Variants in RASEF observed in about 807,000 individuals in gnomAD.
The protein encoded by RASEF is ras and EF-hand domain-containing protein.
A neutral mutation model predicts 90.1 loss-of-function variants in RASEF; 68 were observed. The ratio of observed to expected loss-of-function variants is 0.75; its 90% CI spans 0.62 to 0.92. RASEF has a LOEUF of 0.92. RASEF is among the 40% of genes least tolerant of loss of function. The probability of loss-of-function intolerance (pLI) is 0.00; values close to 1 mark genes in which losing one functional copy is unlikely to be tolerated. For synonymous variants in RASEF, 331 were observed against 345.2 expected, an observed-to-expected ratio of 0.96 and a Z score of 0.46; for missense variants, 949 against 937.2, an observed-to-expected ratio of 1.01 and a Z score of -0.16.
At chr9:83,155,365 G>A in the RASEF span, among the ~76,000 whole-genome samples, 6 of 152,138 alleles carry the variant, frequency 3.9e-5, no homozygotes, top group African/African-American at 1.2e-4. Context: ...ACAGTTCCAT[G>A]AGGCCAGGGA....
chr9:83,104,858 G>A, the RASEF span, among the ~76,000 whole-genome samples: 1 of 152,196 alleles, frequency 6.6e-6, no homozygotes. Flanking sequence ...ATCCAAAAGT[G>A]TGAAATACGG....
rs1234302664 is a variant in RASEF at position 82,996,971 on chromosome 9, T to C, written c.1920+41A>G. On this transcript the variant is annotated intron_variant, in intron 14 of 16. Coordinates refer to ENST00000376447, the MANE Select transcript of RASEF (RefSeq NM_152573.4). The stretch of plus-strand genomic sequence containing the variant: ...AGCATTTTCCAAGATGGCCTAAAAC[T>C]TCCTCGTGTAATTTTCTGTTTCTCC... The C allele has an allele frequency of 5.0e-6, 6 of 1,193,476 alleles. No homozygotes were observed. In the South Asian group the frequency reaches 6.1e-5, roughly 12 times the overall value. 73.9% of individuals were successfully genotyped at this position (1,193,476 alleles called of 1,614,324 possible).
At chr9:82,998,532 G>A in intron 12 of RASEF, 86 bp from the exon 13 acceptor site, 1 of 847,490 alleles carries the variant, frequency 1.2e-6, no homozygotes, top group Non-Finnish European at 2.0e-6. Context: ...TGAAGCAAAA[G>A]CCAATAATAC....
At chr9:83,019,330 T>A (rs761773121) in intron 3 of RASEF, among the ~76,000 whole-genome samples, 7 of 151,718 alleles carry the variant, frequency 4.6e-5, no homozygotes, top group South Asian at 2.1e-4. Context: ...CAGCAAAAAA[T>A]ATATATATAT....
the RASEF span, among the ~76,000 whole-genome samples, chr9:83,084,708 T>C: frequency 6.6e-6 from 1 of 152,190 alleles, no homozygotes; most frequent in East Asian, 1.9e-4. Context: ...GAGGTTAAAC[T>C]CTTTTCCAGG....
chr9:83,194,882 TAC>T, the RASEF span, among the ~76,000 whole-genome samples: 1 of 152,242 alleles, frequency 6.6e-6, no homozygotes, highest in Non-Finnish European at 1.5e-5. Flanking sequence ...TTTGAGCAAT[TAC>T]TTATTTTCTG....
the RASEF span, among the ~76,000 whole-genome samples, chr9:83,147,028 G>GTA: frequency 0.019 from 585 of 31,170 alleles, 3 homozygotes; most frequent in East Asian, 0.13. Context: ...GTGTGTGTGT[G>GTA]TATATATATA....
At chr9:83,217,475 G>A in the RASEF span, among the ~76,000 whole-genome samples, 1 of 152,092 alleles carries the variant, frequency 6.6e-6, no homozygotes, top group African/African-American at 2.4e-5. Flanking sequence ...CCACGTCATG[G>A]GAGGGACCCA....
chr9:82,981,606 G>A lies in RASEF; in HGVS notation c.*1071C>T, dbSNP rs1319831669. On this transcript the variant is annotated 3_prime_UTR_variant, in exon 17 of 17. Coordinates refer to ENST00000376447, the MANE Select transcript of RASEF (RefSeq NM_152573.4). ...ACTCTAAGTACTAGCATTTTTTTTA[G>A]TGAGATAATTCACAACCATAAAATT... 3 of 151,922 alleles carry A rather than the reference G, an allele frequency of 2.0e-5. No individual in the cohort carries two copies. The East Asian group carries it at 5.8e-4, about 29-fold the overall frequency. 9.4% of individuals were successfully genotyped at this position (151,922 alleles called of 1,614,324 possible).
chr9:83,127,502 AG>A, the RASEF span, among the ~76,000 whole-genome samples: 1 of 152,234 alleles, frequency 6.6e-6, no homozygotes, highest in Admixed American at 6.5e-5. Context: ...GGGCTCAAAG[AG>A]AGAGAATGAG....
chr9:83,164,955 C>T, the RASEF span, among the ~76,000 whole-genome samples: 1 of 151,868 alleles, frequency 6.6e-6, no homozygotes, highest in African/African-American at 2.4e-5. Flanking sequence ...GAAGACATAA[C>T]AATCTTTAAT....
chr9:83,196,498 A>G, the RASEF span, among the ~76,000 whole-genome samples: 1 of 152,182 alleles, frequency 6.6e-6, no homozygotes, highest in Non-Finnish European at 1.5e-5. Flanking sequence ...AGACAGGGCA[A>G]AAAGGTCTCG....
chr9:83,211,137 A>G, the RASEF span, among the ~76,000 whole-genome samples: 1 of 152,322 alleles, frequency 6.6e-6, no homozygotes, highest in Non-Finnish European at 1.5e-5. Context: ...CATGCATTGC[A>G]TTTAGTTGCC....
chr9:83,049,177 C>A, intron 1 of RASEF: 1 of 320,592 alleles, frequency 3.1e-6, no homozygotes, highest in Non-Finnish European at 4.5e-6. Context: ...TTAAACATTG[C>A]TTATAACATA....
chr9:82,991,485 G>T (rs1771928383), intron 15 of RASEF, among the ~76,000 whole-genome samples: 1 of 152,178 alleles, frequency 6.6e-6, no homozygotes, highest in South Asian at 2.1e-4. Context: ...GTGGGCCTAG[G>T]TGTGGGTTAA....
chr9:83,095,472 G>A, the RASEF span, among the ~76,000 whole-genome samples: 2 of 148,220 alleles, frequency 1.3e-5, no homozygotes, highest in South Asian at 4.5e-4. Flanking sequence ...TTGCCCCAAG[G>A]GATCTAGTAT....
chr9:83,031,127 T>TGTTCTTTGTTACAAAGCCA (rs1829638127), intron 1 of RASEF, among the ~76,000 whole-genome samples: 1 of 152,238 alleles, frequency 6.6e-6, no homozygotes, highest in African/African-American at 2.4e-5. Flanking sequence ...CAGTAAGACT[T>TGTTCTTTGTTACAAAGCCA]GTTCTTTGTT....
intron 16 of RASEF, among the ~76,000 whole-genome samples, chr9:82,989,081 A>G (rs971983480): frequency 4.6e-5 from 7 of 152,178 alleles, no homozygotes; most frequent in African/African-American, 1.7e-4. Context: ...CAGGACTCCC[A>G]AAGTCCATTT....
the RASEF span, among the ~76,000 whole-genome samples, chr9:83,215,086 A>G: frequency 2.0e-5 from 3 of 151,824 alleles, no homozygotes; most frequent in African/African-American, 7.2e-5. Flanking sequence ...ACGTCTGAAC[A>G]CCAAGAAGAG....
Sources: allele counts gnomAD v4.1 joint callset (sites outside exome capture counted in the v4.1 genomes callset), GRCh38; gene constraint gnomAD v4.1.1; transcripts MANE v1.5; gene names NCBI Gene and HGNC (gene_info 2026-07-23, HGNC 2026-07-21).